The following HECTD2 variants were observed in gnomAD, a reference collection of about 807,000 sequenced individuals.
The protein encoded by HECTD2 is probable E3 ubiquitin-protein ligase HECTD2.
HECTD2 carries 35 observed loss-of-function variants against 103.2 expected under a neutral mutation model. That is an observed-to-expected ratio of 0.34 (90% confidence interval 0.26 to 0.45). The LOEUF (loss-of-function observed/expected upper bound fraction) is 0.45. HECTD2 is among the 20% of genes least tolerant of loss of function. HECTD2 has a pLI of 1.00. For missense variants in HECTD2, 596 were observed against 937.4 expected (o/e 0.64, Z 4.76); for synonymous variants, 281 against 329.9 (o/e 0.85, Z 1.61).
intron 6 of HECTD2, 52 bp from the exon 7 acceptor site, chr10:91,481,042 G>A: frequency 1.8e-6 from 2 of 1,102,398 alleles, no homozygotes; most frequent in South Asian, 2.9e-5. Flanking sequence ...TTCGTTAGAT[G>A]CTATGAGATT....
chr10:91,426,479 T>G (rs1483970747), intron 2 of HECTD2, among the ~76,000 whole-genome samples: 1 of 152,026 alleles, frequency 6.6e-6, no homozygotes, highest in African/African-American at 2.4e-5. Context: ...GCTAGACCTA[T>G]TCTACATTCT....
At position 91,419,492 on chromosome 10, in the gene HECTD2, A is replaced by C. The variant is rs570642388; in HGVS notation, c.139-5789A>C. ...ATATAATCTATGTGATTATATCATC[A>C]AAAAGACCATTGAAGCCCACATTAG... is the stretch of plus-strand genomic sequence containing the variant. On this transcript the variant is annotated intron_variant, in intron 1 of 20. Transcript: ENST00000298068. 3.9e-5 allele frequency among the ~76,000 whole-genome samples: 6 copies of C among 152,254 alleles called. 2 individuals are homozygous for C. Among genetic ancestry groups the C allele is most frequent in the South Asian group, 4.1e-4 (2 of 4,826 alleles).
chr10:91,492,846 C>G (rs770695898), intron 13 of HECTD2, among the ~76,000 whole-genome samples: 41 of 151,848 alleles, frequency 2.7e-4, no homozygotes, highest in South Asian at 8.3e-4. Flanking sequence ...CATTTAAAGC[C>G]TCTTTCATTA....
intron 1 of HECTD2, among the ~76,000 whole-genome samples, chr10:91,422,587 A>G (rs1843400257): frequency 6.6e-6 from 1 of 152,180 alleles, no homozygotes; most frequent in Admixed American, 6.5e-5. Flanking sequence ...TAATACATAT[A>G]ATAAGGAATG....
At chr10:91,463,817 G>A in intron 5 of HECTD2, among the ~76,000 whole-genome samples, 1 of 152,110 alleles carries the variant, frequency 6.6e-6, no homozygotes, top group East Asian at 1.9e-4. Context: ...TGGAACAGTT[G>A]GAACTTTCAT....
chr10:91,411,245 C>G (rs111944395), intron 1 of HECTD2, among the ~76,000 whole-genome samples: 1 of 152,068 alleles, frequency 6.6e-6, no homozygotes, highest in Admixed American at 6.5e-5. Context: ...ATTTGGAGAG[C>G]GCTGTCAGGC....
At chr10:91,477,209 C>T (rs1185084423) in intron 5 of HECTD2, among the ~76,000 whole-genome samples, 2 of 150,218 alleles carry the variant, frequency 1.3e-5, no homozygotes, top group East Asian at 3.9e-4. Context: ...AAAACCCCTG[C>T]GGGTCCAATG....
intron 2 of HECTD2, among the ~76,000 whole-genome samples, chr10:91,446,108 C>T (rs1844603879): frequency 6.6e-6 from 1 of 152,058 alleles, no homozygotes; most frequent in Non-Finnish European, 1.5e-5. Context: ...GGTTGACCAA[C>T]ACCACATACA....
rs1218692133 is a variant in HECTD2, at chr10:91,482,985, A to G, written c.730A>G (p.Thr244Ala). 2.0e-6 allele frequency: 3 copies of G among 1,527,052 alleles called. No individual in the cohort carries two copies. The highest frequency in any genetic ancestry group is 1.8e-5 in the Admixed American group (1 of 56,426). The allele number at this position is 1,527,052 out of a possible 1,614,324, so 94.6% of individuals were successfully genotyped here. Residue 244 changes from threonine (T) to alanine (A), a missense_variant, in exon 8 of 21, where the codon ACA becomes GCA. By Grantham distance (58) the Thr-to-Ala change is moderately conservative. Coordinates refer to ENST00000298068, the MANE Select transcript of HECTD2 (RefSeq NM_182765.6). ...ILLQNPQFNN[T>A]STYVIYAHLL... ...TTTTCAGAATCCTCAGTTTAATAACACATCTACGTATGTCATCTATGCTCA... is the reference window on the plus strand; with the variant it reads ...TTTTCAGAATCCTCAGTTTAATAACGCATCTACGTATGTCATCTATGCTCA...
Position 91,485,250 on chromosome 10 carries a change from C to T in HECTD2, c.1041C>T (p.His347=). The T allele has an allele frequency of 6.3e-7, 1 of 1,591,030 alleles. No homozygotes were observed. Among genetic ancestry groups the T allele is most frequent in the South Asian group, 1.1e-5 (1 of 87,738 alleles). ...YTDFYNSTLD[H]IDLMEEYHTW... ...ATTTCTATAATTCTACATTGGATCA[C>T]ATTGATCTCATGGAAGAATATCATA... The change falls in exon 10 of 21, where the codon CAC becomes CAT. Residue 347 remains histidine, a synonymous_variant. Transcript: ENST00000298068.
chr10:91,410,016 G>C (rs1293554874), upstream of HECTD2, among the ~76,000 whole-genome samples: 1 of 152,156 alleles, frequency 6.6e-6, no homozygotes, highest in African/African-American at 2.4e-5. Flanking sequence ...CCCGTCCTTA[G>C]TCCAGGTTCT....
At chr10:91,433,722 C>G (rs1843995347) in intron 2 of HECTD2, among the ~76,000 whole-genome samples, 1 of 151,852 alleles carries the variant, frequency 6.6e-6, no homozygotes, top group Non-Finnish European at 1.5e-5. Context: ...GGTTGTTGGG[C>G]CCAGGAGTAA....
intron 2 of HECTD2, among the ~76,000 whole-genome samples, chr10:91,425,867 G>C (rs943418653): frequency 6.6e-6 from 1 of 151,700 alleles, no homozygotes; most frequent in African/African-American, 2.4e-5. Context: ...GAATGGAAAA[G>C]CTTATAGATG....
At chr10:91,489,584 G>T (rs1846391737) in intron 11 of HECTD2, 1 of 152,098 alleles carries the variant, frequency 6.6e-6, no homozygotes, top group African/African-American at 2.4e-5. Context: ...GCATAAATTT[G>T]TTTATTAGTT....
chr10:91,497,190 G>A (rs1284687112), intron 15 of HECTD2, among the ~76,000 whole-genome samples: 1 of 141,538 alleles, frequency 7.1e-6, no homozygotes, highest in African/African-American at 2.7e-5. Context: ...TGGCCAGGCT[G>A]GTCTCGAACT....
rs1313615932 is a variant in HECTD2 at position 91,498,959 on chromosome 10, G to GGTAA, written c.1843+3_1843+6dup. On this transcript the variant is annotated frameshift_variant and splice_region_variant. Coordinates refer to ENST00000298068, the MANE Select transcript of HECTD2 (RefSeq NM_182765.6). LOFTEE classifies it high-confidence loss of function. ...TTCAGTTACCAATCAAAATAGAAAAGGTAAGTTAATACCCTTTTTAATTAA... is the reference window on the plus strand; with the variant it reads ...TTCAGTTACCAATCAAAATAGAAAAGGTAAGTAAGTTAATACCCTTTTTAATTAA... 1.3e-6 allele frequency: 2 copies of GGTAA among 1,583,044 alleles called. No individual in the cohort carries two copies. The highest frequency in any genetic ancestry group is 1.7e-6 in the Non-Finnish European group (2 of 1,153,548).
chr10:91,432,684 T>C (rs1216492263), intron 2 of HECTD2, among the ~76,000 whole-genome samples: 2 of 151,922 alleles, frequency 1.3e-5, no homozygotes, highest in East Asian at 3.9e-4. Context: ...AAAAAATCTT[T>C]CCAGCCTAGG....
chr10:91,496,604 C>T (rs1846674664), intron 15 of HECTD2, among the ~76,000 whole-genome samples: 1 of 152,194 alleles, frequency 6.6e-6, no homozygotes, highest in African/African-American at 2.4e-5. Context: ...AATCCAGGCT[C>T]TGTCACTTAC....
chr10:91,495,878 A>G (rs1401245744), intron 14 of HECTD2, among the ~76,000 whole-genome samples: 1 of 152,186 alleles, frequency 6.6e-6, no homozygotes, highest in Non-Finnish European at 1.5e-5. Flanking sequence ...TAAAATTGCC[A>G]GCATCTTTGT....
Sources: gnomAD v4.1 joint callset for allele counts (sites outside exome capture counted in the v4.1 genomes callset) on GRCh38, gnomAD v4.1.1 for gene constraint, MANE v1.5 for transcripts, NCBI Gene and HGNC (gene_info 2026-07-23, HGNC 2026-07-21) for gene names.